ATP8B3: variants seen among roughly 807,000 people sequenced by gnomAD.
ATP8B3 encodes the protein ATPase phospholipid transporting 8B3.
In ATP8B3, 141 loss-of-function variants were observed where a neutral mutation model predicts 140.9. That is an observed-to-expected ratio of 1.00 (90% CI 0.87 to 1.15). The LOEUF is 1.15. ATP8B3 is among the 50% of genes most tolerant of loss of function. The pLI is 0.00. For missense variants in ATP8B3, 1,874 were observed against 1,740.6 expected, an observed-to-expected ratio of 1.08 and a Z score of -1.36; for synonymous variants, 765 against 714.6, an observed-to-expected ratio of 1.07 and a Z score of -1.13.
rs761139164 is a variant in ATP8B3, at chr19:1,799,844, C to T, written c.1552+103G>A. 15 of 1,180,178 alleles carry T rather than the reference C, an allele frequency of 1.3e-5. 1 individual carries two copies. Among genetic ancestry groups the T allele is most frequent in the South Asian group, 9.2e-5 (7 of 76,400 alleles). 73.1% of individuals were successfully genotyped at this position (1,180,178 alleles called of 1,614,324 possible). On this transcript the variant is annotated intron_variant, in intron 14 of 28. Transcript: ENST00000310127. Reference sequence around the variant, plus strand: ...TACGGTTCCCTGGTTCAGATTCGGGCGGAGGTGCTGGGCATGGGGCCAGAC... The same window carrying T: ...TACGGTTCCCTGGTTCAGATTCGGGTGGAGGTGCTGGGCATGGGGCCAGAC...
chr19:1,800,029 T>A lies in ATP8B3; in HGVS notation c.1470A>T (p.Glu490Asp). Residue 490 changes from glutamate to aspartate, a missense_variant, in exon 14 of 29, where the codon GAA (glutamate) becomes GAT (aspartate). Coordinates refer to ENST00000310127, the MANE Select transcript of ATP8B3 (RefSeq NM_138813.4). The surrounding 1 kb of genome is among the most constrained non-coding windows in gnomAD (Gnocchi z 4.4). Reference protein sequence around the residue: ...TSLNDHLGQVEYIFSDKTGTL... With the variant: ...TSLNDHLGQVDYIFSDKTGTL... ...TGCCCGTCTTGTCCGAGAAGATGTA[T>A]TCCACCTGGCCCAGGTGGTCGTTGA... 6.2e-7 allele frequency: 1 copy of A among 1,604,542 alleles called. No homozygotes were observed. The highest frequency in any genetic ancestry group is 8.5e-7 in the Non-Finnish European group (1 of 1,175,776).
intron 22 of ATP8B3, 51 bp from the exon 23 acceptor site, chr19:1,789,778 C>T: frequency 6.4e-7 from 1 of 1,559,154 alleles, no homozygotes; most frequent in Non-Finnish European, 8.6e-7. Flanking sequence ...CCAGGCCAGA[C>T]TGGACCCTAC....
intron 21 of ATP8B3, 40 bp downstream of exon 21, chr19:1,790,717 C>A: frequency 6.5e-7 from 1 of 1,538,832 alleles, no homozygotes. Flanking sequence ...TCCTCACCTC[C>A]CCACTCCCCT....
rs2069000670 is a variant in ATP8B3, at chr19:1,805,967, G to C, written c.751-9C>G. The C allele has an allele frequency of 1.9e-6, 3 of 1,611,628 alleles. No individual in the cohort carries two copies. The highest frequency in any genetic ancestry group is 2.5e-6 in the Non-Finnish European group (3 of 1,178,956). On this transcript the variant is annotated splice_polypyrimidine_tract_variant and intron_variant, in intron 8 of 28. Transcript: ENST00000310127. The surrounding 1 kb of genome is among the most constrained non-coding windows in gnomAD (Gnocchi z 5.2). ...AGCAAGAGCATGTCGGCCTGGTGTG[G>C]AGTGGGGGGCAGCGTTGCAAGAGGG...
Position 1,796,236 on chromosome 19 carries a change from C to A in ATP8B3, c.1783G>T (p.Asp595Tyr). 1 of 1,612,018 alleles carries A rather than the reference C, an allele frequency of 6.2e-7. No individual in the cohort carries two copies. Among genetic ancestry groups the A allele is most frequent in the Non-Finnish European group, 8.5e-7 (1 of 1,179,636 alleles). Residue 595 changes from aspartate to tyrosine, a missense_variant, in exon 17 of 29, where the codon GAC becomes TAC. Around this residue, in one of 3 missense-constraint regions of ATP8B3, gnomAD observed 1,032 missense variants for 963.6 expected, o/e 1.07. Coordinates refer to ENST00000310127, the MANE Select transcript of ATP8B3 (RefSeq NM_138813.4). ...GCTGCGGTGACCAGCGCCCCCTCGT[C>A]GGGGGAGGCCGCCTGGTACAACAGC... is the stretch of plus-strand genomic sequence containing the variant. ...DQLLYQAASP[D>Y]EGALVTAARN... is the part of the protein sequence containing the mutation.
chr19:1,793,633 C>T (rs570677299), intron 18 of ATP8B3, among the ~76,000 whole-genome samples: 5 of 152,308 alleles, frequency 3.3e-5, no homozygotes, highest in Admixed American at 1.3e-4. Context: ...CAAGGGTGGT[C>T]GGGGGGTCCC....
intron 2 of ATP8B3, among the ~76,000 whole-genome samples, chr19:1,810,940 C>A (rs1414833496): frequency 6.6e-6 from 1 of 152,212 alleles, no homozygotes; most frequent in Admixed American, 6.5e-5. Context: ...CCGCCAGCCA[C>A]CCTGGTCGCC....
Position 1,789,571 on chromosome 19 carries a change from C to G in ATP8B3, c.2635G>C (p.Ala879Pro). 1 of 1,593,846 alleles carries G rather than the reference C, an allele frequency of 6.3e-7. No individual in the cohort carries two copies. The highest frequency in any genetic ancestry group is 1.7e-5 in the Admixed American group (1 of 58,802). ...LCRRFGLPLA[A>P]PPAQDSRARR... ...GCTCTGGAGTCCTGGGCTGGCGGTG[C>G]AGCCAGCGGGAGCCCGAACCTCCGG... The change falls in exon 23 of 29, where the codon GCA (alanine) becomes CCA (proline). Residue 879 changes from alanine (A) to proline (P), a missense_variant. By Grantham distance (27) the Ala-to-Pro change is conservative. Transcript: ENST00000310127.
rs1224914865 is a variant in ATP8B3, at chr19:1,785,316, G to T, written c.3394-19C>A. The T allele has an allele frequency of 1.6e-5, 26 of 1,576,640 alleles. No homozygotes were observed. Among genetic ancestry groups the T allele is most frequent in the Non-Finnish European group, 2.2e-5 (25 of 1,160,300 alleles). On this transcript the variant is annotated intron_variant, in intron 26 of 28. Coordinates refer to ENST00000310127, the MANE Select transcript of ATP8B3 (RefSeq NM_138813.4). ...GAATGACCTGGACAGGCAGCGGTGGGGTAAATCCGGGGCCTAGCGGGGCTT... is the reference window on the plus strand; with the variant it reads ...GAATGACCTGGACAGGCAGCGGTGGTGTAAATCCGGGGCCTAGCGGGGCTT...
rs1431262320 is a variant in ATP8B3 at position 1,783,181 on chromosome 19, G to A, written c.3750C>T (p.Ser1250=). The A allele has an allele frequency of 6.2e-7, 1 of 1,613,402 alleles. No individual in the cohort carries two copies. Among genetic ancestry groups the A allele is most frequent in the Non-Finnish European group, 8.5e-7 (1 of 1,179,702 alleles). Residue 1250 remains serine (S), a synonymous_variant, in exon 29 of 29, where the codon TCC becomes TCT. Transcript: ENST00000310127. The part of the protein sequence containing the change: ...HVHRESRARR[S]SYAFSHREGY... ...CCTCACGGTGGGAGAAAGCATAGCTGGAACGGCGGGCACGAGACTCCCGGT... is the reference window on the plus strand; with the variant it reads ...CCTCACGGTGGGAGAAAGCATAGCTAGAACGGCGGGCACGAGACTCCCGGT...
intron 25 of ATP8B3, among the ~76,000 whole-genome samples, chr19:1,786,152 T>C (rs966819888): frequency 1.3e-5 from 2 of 151,324 alleles, no homozygotes; most frequent in Non-Finnish European, 2.9e-5. Flanking sequence ...TAAAATGAAA[T>C]GGAAAGAGCT....
chr19:1,786,086 C>T (rs1186058968), intron 25 of ATP8B3, among the ~76,000 whole-genome samples: 3 of 151,944 alleles, frequency 2.0e-5, no homozygotes, highest in Admixed American at 6.6e-5. Flanking sequence ...GAGCTGTGAT[C>T]GCACCACTGC....
intron 11 of ATP8B3, 80 bp downstream of exon 11, chr19:1,802,407 A>ACAC: frequency 6.3e-6 from 2 of 318,100 alleles, no homozygotes. Flanking sequence ...CCACCCACCT[A>ACAC]CCCACCCACC....
At chr19:1,796,021 C>T (rs770284000) in intron 17 of ATP8B3, 34 bp from the exon 18 acceptor site, 22 of 1,611,748 alleles carry the variant, frequency 1.4e-5, no homozygotes, top group Non-Finnish European at 1.8e-5. Flanking sequence ...CCCACAGAGG[C>T]TCCCCGTCTG....
At chr19:1,796,312 T>TC (rs1383993850) in intron 16 of ATP8B3, 47 bp from the exon 17 acceptor site, 5 of 1,498,018 alleles carry the variant, frequency 3.3e-6, no homozygotes, top group Non-Finnish European at 4.5e-6. Context: ...GGAGCCCGTC[T>TC]CCATCTCCAC....
chr19:1,810,844 G>T (rs908048613), intron 2 of ATP8B3, among the ~76,000 whole-genome samples, 161 bp from the exon 3 acceptor site: 1 of 152,090 alleles, frequency 6.6e-6, no homozygotes, highest in African/African-American at 2.4e-5. Context: ...CCAGCCATAG[G>T]CTGTGTGTCT....
Position 1,796,821 on chromosome 19 carries a change from G to A in ATP8B3, c.1643C>T (p.Ala548Val), listed in dbSNP as rs772428213. 2.5e-6 allele frequency: 4 copies of A among 1,612,458 alleles called. No homozygotes were observed. Among genetic ancestry groups the A allele is most frequent in the Admixed American group, 1.7e-5 (1 of 59,966 alleles). Reference sequence around the variant, plus strand: ...GTTGGTCCGCACGAGGTGCAGCAGGGCCGCATTGTGGAAGAGCAGCTTCCC... The same window carrying A: ...GTTGGTCCGCACGAGGTGCAGCAGGACCGCATTGTGGAAGAGCAGCTTCCC... The part of the protein sequence containing the change: ...ADGKLLFHNA[A>V]LLHLVRTNGD... Residue 548 changes from alanine (A) to valine (V), a missense_variant, in exon 16 of 29, where the codon GCC becomes GTC. Transcript: ENST00000310127.
chr19:1,798,429 G>C (rs1032669075), intron 14 of ATP8B3, among the ~76,000 whole-genome samples: 56 of 152,010 alleles, frequency 3.7e-4, no homozygotes, highest in African/African-American at 1.3e-3. Flanking sequence ...GAAAAAAAAT[G>C]ACTAGAATAA....
In ATP8B3 at chr19:1,812,228, G is replaced by A. The variant is rs1298496697; in HGVS notation, c.-191C>T. The A allele has an allele frequency of 6.5e-6, 1 of 153,996 alleles. No homozygotes were observed. The highest frequency in any genetic ancestry group is 1.4e-5 in the Non-Finnish European group (1 of 69,246). 9.5% of individuals were successfully genotyped at this position (153,996 alleles called of 1,614,324 possible). A position where few individuals can be genotyped will look rare whatever the true frequency, so the allele number is the denominator to read the frequency against. On this transcript the variant is annotated 5_prime_UTR_variant, in exon 1 of 29. Coordinates refer to ENST00000310127, the MANE Select transcript of ATP8B3 (RefSeq NM_138813.4). ...GGGGGGGCAGGCCGCGGGCGTCCAG[G>A]GCGGCGGACGTGGTGGAACCGTTAG...
Sources: gnomAD v4.1 joint callset for allele counts (sites outside exome capture counted in the v4.1 genomes callset) on GRCh38, gnomAD v4.1.1 for gene constraint, gnomAD v4.1.1 regional missense constraint, Gnocchi (gnomAD v3.1) non-coding constraint, MANE v1.5 for transcripts, NCBI Gene and HGNC (gene_info 2026-07-23, HGNC 2026-07-21) for gene names.